ULK4: variants seen among roughly 807,000 people sequenced by gnomAD.
ULK4 encodes the protein inactive serine/threonine-protein kinase ULK4.
Under a neutral mutation model 160.6 loss-of-function variants are expected in ULK4, and 133 were observed. The observed-to-expected ratio is 0.83, with a 90% CI of 0.72 to 0.96. The LOEUF is 0.96. Ranked by LOEUF, ULK4 falls within the 40% of genes least tolerant of loss-of-function variation. The pLI, the probability that ULK4 is intolerant of heterozygous loss-of-function variation, is 0.00. For synonymous variants in ULK4, 534 were observed against 539.8 expected, an observed-to-expected ratio of 0.99 and a Z score of 0.15; for missense variants, 1,580 against 1,499.5, an observed-to-expected ratio of 1.05 and a Z score of -0.89.
At chr3:41,788,689 CAAAAAAAA>C (rs377112656) in intron 21 of ULK4, among the ~76,000 whole-genome samples, 1 of 139,016 alleles carries the variant, frequency 7.2e-6, no homozygotes, top group Non-Finnish European at 1.6e-5. Context: ...GCCTCCATCT[CAAAAAAAA>C]AAGAAAAAAA....
intron 33 of ULK4, among the ~76,000 whole-genome samples, chr3:41,461,933 G>T (rs1048794586): frequency 2.6e-5 from 4 of 152,124 alleles, no homozygotes; most frequent in Non-Finnish European, 4.4e-5. Context: ...GGAAAAGATA[G>T]GAGAAATACA....
intron 35 of ULK4, among the ~76,000 whole-genome samples, chr3:41,315,376 G>C (rs1468166525): frequency 1.3e-5 from 2 of 152,190 alleles, no homozygotes; most frequent in Non-Finnish European, 2.9e-5. Flanking sequence ...TTGCCTGTCA[G>C]TAGTTACTCT....
chr3:41,744,697 C>T (rs953315192), intron 22 of ULK4, among the ~76,000 whole-genome samples: 3 of 151,898 alleles, frequency 2.0e-5, no homozygotes, highest in Admixed American at 6.5e-5. Flanking sequence ...ATCTAAACAA[C>T]GCAATGAAAC....
intron 17 of ULK4, among the ~76,000 whole-genome samples, chr3:41,845,442 A>G (rs768547323): frequency 3.9e-5 from 6 of 152,246 alleles, no homozygotes; most frequent in Non-Finnish European, 7.3e-5. Flanking sequence ...GTTACAAACC[A>G]TATGACTATT....
intron 30 of ULK4, among the ~76,000 whole-genome samples, chr3:41,646,247 G>A (rs894911432): frequency 6.6e-5 from 10 of 152,100 alleles, no homozygotes; most frequent in Non-Finnish European, 1.3e-4. Flanking sequence ...GATGTTAGCT[G>A]GTTATTTTGC....
chr3:41,921,468 A>T (rs1699178962), intron 5 of ULK4, among the ~76,000 whole-genome samples: 1 of 151,998 alleles, frequency 6.6e-6, no homozygotes, highest in Admixed American at 6.6e-5. Flanking sequence ...ACAAAAAATT[A>T]GCCAGGCATG....
At chr3:41,629,838 A>AT (rs1491550748) in intron 30 of ULK4, among the ~76,000 whole-genome samples, 2,906 of 147,790 alleles carry the variant, frequency 0.02, 100 homozygotes, top group African/African-American at 0.07. Flanking sequence ...AAAAAAAAAA[A>AT]ATATAAAAAT....
chr3:41,452,362 C>T (rs982570549), intron 34 of ULK4, among the ~76,000 whole-genome samples: 6 of 152,124 alleles, frequency 3.9e-5, no homozygotes, highest in Non-Finnish European at 8.8e-5. Flanking sequence ...GCCTGTTCAA[C>T]AAACAATTCT....
intron 31 of ULK4, among the ~76,000 whole-genome samples, chr3:41,592,372 C>T (rs2031399021): frequency 6.6e-6 from 1 of 152,096 alleles, no homozygotes; most frequent in Non-Finnish European, 1.5e-5. Flanking sequence ...CACAGGGGTC[C>T]TCGGGCGGGC....
chr3:41,511,413 G>A (rs570449398), intron 32 of ULK4, among the ~76,000 whole-genome samples: 1 of 152,000 alleles, frequency 6.6e-6, no homozygotes, highest in Non-Finnish European at 1.5e-5. Context: ...AAGAAAAGAA[G>A]AGAGAAAATC....
At chr3:41,489,170 G>T (rs1041761584) in intron 32 of ULK4, among the ~76,000 whole-genome samples, 2 of 152,092 alleles carry the variant, frequency 1.3e-5, no homozygotes, top group African/African-American at 2.4e-5. Context: ...CCCTGAAAAT[G>T]CCATCCTATC....
chr3:41,733,087 A>T (rs1273428742), intron 22 of ULK4, among the ~76,000 whole-genome samples: 1 of 152,156 alleles, frequency 6.6e-6, no homozygotes, highest in African/African-American at 2.4e-5. Flanking sequence ...CAGCATCTCA[A>T]AATAACCAGA....
intron 33 of ULK4, among the ~76,000 whole-genome samples, chr3:41,457,955 G>A (rs577546459): frequency 6.6e-6 from 1 of 152,300 alleles, no homozygotes; most frequent in Non-Finnish European, 1.5e-5. Context: ...GGATGTGTTA[G>A]ATGTTTATGG....
chr3:41,890,472 G>A (rs572892242), intron 16 of ULK4, among the ~76,000 whole-genome samples: 38 of 151,998 alleles, frequency 2.5e-4, no homozygotes, highest in South Asian at 1.9e-3. Context: ...TTGAGGTCAG[G>A]AGTTTGAGAC....
chr3:41,520,069 A>C (rs549470360), intron 32 of ULK4, among the ~76,000 whole-genome samples: 29 of 152,292 alleles, frequency 1.9e-4, no homozygotes, highest in African/African-American at 7.0e-4. Context: ...ATACCATAAA[A>C]ATGTACCATT....
intron 29 of ULK4, among the ~76,000 whole-genome samples, chr3:41,674,673 G>C (rs2035647971): frequency 6.6e-6 from 1 of 152,204 alleles, no homozygotes; most frequent in South Asian, 2.1e-4. Flanking sequence ...ACCATGGCCA[G>C]TATCACCAAC....
chr3:41,701,078 G>C (rs756893523), intron 27 of ULK4, among the ~76,000 whole-genome samples: 2 of 151,952 alleles, frequency 1.3e-5, no homozygotes, highest in Non-Finnish European at 2.9e-5. Context: ...CAAAAAGACA[G>C]TAAGAATTAG....
intron 35 of ULK4, among the ~76,000 whole-genome samples, chr3:41,302,076 C>T (rs555802527): frequency 5.9e-5 from 9 of 152,166 alleles, no homozygotes; most frequent in Non-Finnish European, 1.2e-4. Context: ...TACTTACATA[C>T]AAGCACTGAG....
intron 34 of ULK4, among the ~76,000 whole-genome samples, chr3:41,433,572 A>T (rs2082962575): frequency 6.6e-6 from 1 of 152,166 alleles, no homozygotes; most frequent in African/African-American, 2.4e-5. Context: ...CCCCCTCCAC[A>T]TACACACACC....
Sources: allele counts gnomAD v4.1 joint callset (sites outside exome capture counted in the v4.1 genomes callset), GRCh38; gene constraint gnomAD v4.1.1; transcripts MANE v1.5; gene names NCBI Gene and HGNC (gene_info 2026-07-23, HGNC 2026-07-21).